The following TSHZ2 variants were observed in gnomAD, a reference collection of about 807,000 sequenced individuals.
TSHZ2 encodes teashirt homolog 2.
TSHZ2 carries 21 observed loss-of-function variants against 74.4 expected under a neutral mutation model. That is an observed-to-expected ratio of 0.28 (90% confidence interval 0.20 to 0.41). The LOEUF is 0.41. Ranked by LOEUF, TSHZ2 falls within the 10% of genes least tolerant of loss-of-function variation. The pLI is 1.00. For missense variants in TSHZ2, 1,244 were observed against 1,293.5 expected, an observed-to-expected ratio of 0.96 and a Z score of 0.59; for synonymous variants, 540 against 515.3, an observed-to-expected ratio of 1.05 and a Z score of -0.65.
chr20:53,263,753 C>G (rs1286528403), intron 2 of TSHZ2, among the ~76,000 whole-genome samples: 1 of 152,296 alleles, frequency 6.6e-6, no homozygotes, highest in African/African-American at 2.4e-5. Flanking sequence ...CCCTCTCCCC[C>G]AAGGTAACCC....
At chr20:53,045,202 G>T (rs545839513) in intron 1 of TSHZ2, among the ~76,000 whole-genome samples, 1 of 152,252 alleles carries the variant, frequency 6.6e-6, no homozygotes, top group South Asian at 2.1e-4. Context: ...AGCATGGCCT[G>T]CCCCTGTGAG....
In TSHZ2 at chr20:53,310,526, T is replaced by C. The variant is rs985382055; in HGVS notation, c.*8+53955T>C. Among the ~76,000 whole-genome samples, 11 of 152,340 alleles carry C rather than the reference T, an allele frequency of 7.2e-5. No homozygotes were observed. The East Asian group carries it at 1.7e-3, about 24-fold the overall frequency. On this transcript the variant is annotated intron_variant, in intron 2 of 2. Transcript: ENST00000371497. ...CCCTCTGCATCAGGATTTCACAAGA[T>C]TGCAATCCAGGCTTTGGCCAGGGCT...
chr20:53,121,615 A>G (rs1986811879), intron 1 of TSHZ2, among the ~76,000 whole-genome samples: 1 of 152,226 alleles, frequency 6.6e-6, no homozygotes, highest in Non-Finnish European at 1.5e-5. Flanking sequence ...TTTGTCTTCA[A>G]GAGAAGCCAA....
chr20:53,479,756 A>T (rs1049601530), intron 2 of TSHZ2, among the ~76,000 whole-genome samples: 1 of 152,246 alleles, frequency 6.6e-6, no homozygotes, highest in Admixed American at 6.5e-5. Context: ...CAGTGTCTAG[A>T]CACAACTTCA....
chr20:53,375,628 G>T (rs761249084), intron 2 of TSHZ2, among the ~76,000 whole-genome samples: 1 of 152,124 alleles, frequency 6.6e-6, no homozygotes. Context: ...GAACCACAGG[G>T]CTGCTGCTTT....
chr20:53,472,799 C>T (rs899316599), intron 2 of TSHZ2, among the ~76,000 whole-genome samples: 24 of 151,324 alleles, frequency 1.6e-4, no homozygotes, highest in East Asian at 4.0e-4. Flanking sequence ...AGTGGGTGCG[C>T]GCACCGTGCG....
chr20:53,060,253 T>C (rs1419402048), intron 1 of TSHZ2, among the ~76,000 whole-genome samples: 1 of 152,194 alleles, frequency 6.6e-6, no homozygotes, highest in Non-Finnish European at 1.5e-5. Context: ...TATGCTTTGG[T>C]AGATTCATAA....
chr20:52,978,715 G>A (rs559225815), intron 1 of TSHZ2, among the ~76,000 whole-genome samples: 1 of 152,080 alleles, frequency 6.6e-6, no homozygotes, highest in South Asian at 2.1e-4. Flanking sequence ...AAATCACAGT[G>A]GTATTAAAAG....
rs111294723 is a variant in TSHZ2 at position 53,249,754 on chromosome 20, G to T, written c.41-3745G>T. On this transcript the variant is annotated intron_variant, in intron 1 of 2. Coordinates refer to ENST00000371497, the MANE Select transcript of TSHZ2 (RefSeq NM_173485.6). The stretch of plus-strand genomic sequence containing the variant: ...TGGGTGATGAGAGAGGGGCAGGGAG[G>T]TTGGCCTAGGGCACATCCTGCAGGC... Among the ~76,000 whole-genome samples the T allele has an allele frequency of 5.4e-3, 822 of 152,342 alleles. 7 individuals are homozygous for T. Among genetic ancestry groups the T allele is most frequent in the African/African-American group, 0.018 (741 of 41,578 alleles).
At chr20:53,467,616 T>C (rs1438444029) in intron 2 of TSHZ2, among the ~76,000 whole-genome samples, 2 of 152,202 alleles carry the variant, frequency 1.3e-5, no homozygotes, top group Admixed American at 1.3e-4. Context: ...AAAGGTAAGT[T>C]ATGTCCCCCA....
rs556432905 is a variant in TSHZ2 at position 53,371,508 on chromosome 20, A to G, written c.*8+114937A>G. On this transcript the variant is annotated intron_variant, in intron 2 of 2. Coordinates refer to ENST00000371497, the MANE Select transcript of TSHZ2 (RefSeq NM_173485.6). ...TCCTGGGATGGCTGTATGAAGGACC[A>G]CACACTGGGTGACACAGGGCAACAG... Among the ~76,000 whole-genome samples the G allele has an allele frequency of 7.2e-5, 11 of 152,346 alleles. No individual in the cohort carries two copies. In the East Asian group the frequency reaches 2.1e-3, roughly 29 times the overall value.
intron 1 of TSHZ2, among the ~76,000 whole-genome samples, chr20:53,060,597 G>A (rs1159514087): frequency 6.6e-6 from 1 of 152,174 alleles, no homozygotes. Context: ...AAACAGAAAT[G>A]TAAAGTTGGA....
At chr20:53,277,629 C>G (rs1225616085) in intron 2 of TSHZ2, among the ~76,000 whole-genome samples, 1 of 152,184 alleles carries the variant, frequency 6.6e-6, no homozygotes, top group Non-Finnish European at 1.5e-5. Context: ...CAAACGTGGA[C>G]CAGCTCCAGG....
At chr20:52,994,664 T>G (rs1351746265) in intron 1 of TSHZ2, among the ~76,000 whole-genome samples, 1 of 152,176 alleles carries the variant, frequency 6.6e-6, no homozygotes, top group Non-Finnish European at 1.5e-5. Context: ...CCCTTTATCC[T>G]GCACATTAGC....
At chr20:53,366,615 G>T (rs569908580) in intron 2 of TSHZ2, among the ~76,000 whole-genome samples, 1 of 152,126 alleles carries the variant, frequency 6.6e-6, no homozygotes, top group Non-Finnish European at 1.5e-5. Flanking sequence ...CCCTTGTAAG[G>T]CTGCTGTAGA....
intron 2 of TSHZ2, among the ~76,000 whole-genome samples, chr20:53,469,048 TATATATATATATA>T (rs1985659040): frequency 5.5e-4 from 52 of 93,742 alleles, no homozygotes; most frequent in Non-Finnish European, 7.0e-4. Flanking sequence ...CGATATTTTA[TATATATATATATA>T]TATATATATA....
chr20:53,349,814 A>G (rs1335198449), intron 2 of TSHZ2, among the ~76,000 whole-genome samples: 1 of 152,228 alleles, frequency 6.6e-6, no homozygotes, highest in African/African-American at 2.4e-5. Context: ...ACAAGTTAGC[A>G]CAAACAGTGG....
rs1978658577 is a variant in TSHZ2 at position 53,308,872 on chromosome 20, C to G, written c.*8+52301C>G. Among the ~76,000 whole-genome samples the G allele has an allele frequency of 1.3e-5, 2 of 152,168 alleles. 1 individual carries two copies. Among genetic ancestry groups the G allele is most frequent in the South Asian group, 4.1e-4 (2 of 4,832 alleles). On this transcript the variant is annotated intron_variant, in intron 2 of 2. Transcript: ENST00000371497. ...TAAAAATCAGCACGGTGTTAAGCACCTGGGAGGGCTTCATGGTTTGGGCTT... is the reference window on the plus strand; with the variant it reads ...TAAAAATCAGCACGGTGTTAAGCACGTGGGAGGGCTTCATGGTTTGGGCTT...
chr20:53,435,450 G>T (rs997051053), intron 2 of TSHZ2, among the ~76,000 whole-genome samples: 1 of 152,152 alleles, frequency 6.6e-6, no homozygotes, highest in Non-Finnish European at 1.5e-5. Flanking sequence ...AGTTGAAAAC[G>T]TATCTATGTG....
Sources: gnomAD v4.1 joint callset for allele counts (sites outside exome capture counted in the v4.1 genomes callset) on GRCh38, gnomAD v4.1.1 for gene constraint, MANE v1.5 for transcripts, NCBI Gene and HGNC (gene_info 2026-07-23, HGNC 2026-07-21) for gene names.